The following SLC14A1 variants were observed in gnomAD, a reference collection of about 807,000 sequenced individuals.
SLC14A1 encodes urea transporter 1.
SLC14A1 carries 36 observed loss-of-function variants against 39.6 expected under a neutral mutation model. The ratio of observed to expected loss-of-function variants is 0.91; its 90% CI spans 0.70 to 1.20. The LOEUF is 1.20. Among genes scored for constraint, SLC14A1 ranks in the 50% most tolerant of loss-of-function variants. SLC14A1 has a pLI of 0.00. For synonymous variants in SLC14A1, 164 were observed against 173.6 expected (o/e 0.94, Z 0.43); for missense variants, 469 against 478.7 (o/e 0.98, Z 0.19).
Position 45,751,647 on chromosome 18 carries a change from G to A in SLC14A1, c.*1696G>A, listed in dbSNP as rs1201793129. On this transcript the variant is annotated 3_prime_UTR_variant, in exon 10 of 10. Coordinates refer to ENST00000321925, the MANE Select transcript of SLC14A1 (RefSeq NM_015865.7). ...AAAATAGTAACATTAGCCAGGTGTAGCAGCACACATCTGCAGCAGCTACTC... is the reference window on the plus strand; with the variant it reads ...AAAATAGTAACATTAGCCAGGTGTAACAGCACACATCTGCAGCAGCTACTC... The A allele has an allele frequency of 6.3e-6, 3 of 476,216 alleles. No individual in the cohort carries two copies. The highest frequency in any genetic ancestry group is 5.5e-6 in the Non-Finnish European group (2 of 365,312). 29.5% of individuals were successfully genotyped at this position (476,216 alleles called of 1,614,324 possible).
intron 4 of SLC14A1, among the ~76,000 whole-genome samples, chr18:45,732,578 G>T (rs956988063): frequency 1.3e-5 from 2 of 152,186 alleles, no homozygotes; most frequent in Non-Finnish European, 2.9e-5. Context: ...TGTTGCAATG[G>T]TGCCTCCTGG....
At position 45,742,353 on chromosome 18, in the gene SLC14A1, G is replaced by GTTTT. The variant is rs34628652; in HGVS notation, c.946+2707_946+2710dup. Among the ~76,000 whole-genome samples the GTTTT allele has an allele frequency of 6.8e-4, 80 of 118,008 alleles. 6 individuals are homozygous for GTTTT. Among genetic ancestry groups the GTTTT allele is most frequent in the South Asian group, 6.5e-3 (23 of 3,550 alleles). 77.4% of individuals were successfully genotyped at this position (118,008 alleles called of 152,430 possible). A position where few individuals can be genotyped will look rare whatever the true frequency, so the allele number is the denominator to read the frequency against. ...GTTTTTTGTTGTTTTTTGTTTTTTG[G>GTTTT]TTTTTTTTTTTTTTTTTTTGACAGA... On this transcript the variant is annotated intron_variant, in intron 8 of 9. Transcript: ENST00000321925.
intron 9 of SLC14A1, 49 bp downstream of exon 9, chr18:45,748,474 C>G (rs1428740503): frequency 6.3e-7 from 1 of 1,585,954 alleles, no homozygotes; most frequent in Admixed American, 1.7e-5. Flanking sequence ...GACCAGCTTA[C>G]AACTATATGG....
At position 45,736,602 on chromosome 18, in the gene SLC14A1, T is replaced by C. The variant is rs1372118241; in HGVS notation, c.617T>C (p.Ile206Thr). 45 of 1,614,084 alleles carry C rather than the reference T, an allele frequency of 2.8e-5. No individual in the cohort carries two copies. The highest frequency in any genetic ancestry group is 3.7e-5 in the Non-Finnish European group (44 of 1,180,024). ...TTTCCAGCCAAACTGGTCATACCTA[T>C]AACTACAGCTCCAAATATCTCCTGG... ...PFFPAKLVIP[I>T]TTAPNISWSD... Residue 206 changes from isoleucine (I) to threonine (T), a missense_variant, in exon 6 of 10, where the codon ATA (isoleucine) becomes ACA (threonine). Transcript: ENST00000321925.
At chr18:45,745,033 A>G (rs551305603) in intron 8 of SLC14A1, among the ~76,000 whole-genome samples, 1 of 152,334 alleles carries the variant, frequency 6.6e-6, no homozygotes, top group East Asian at 1.9e-4. Context: ...TCACAAGGTC[A>G]AGAGATTGAG....
intron 6 of SLC14A1, among the ~76,000 whole-genome samples, chr18:45,737,121 C>T (rs1330440437): frequency 6.6e-6 from 1 of 152,154 alleles, no homozygotes; most frequent in Non-Finnish European, 1.5e-5. Context: ...TTAGGGTTCC[C>T]AAGCTTTGGT....
Position 45,750,525 on chromosome 18 carries a change from G to T in SLC14A1, c.*574G>T. Reference sequence around the variant, plus strand: ...AACAATGGCCTGCACCCTATCCCTTGTGTGTGTGACATTCTCTCATGGGAC... The same window carrying T: ...AACAATGGCCTGCACCCTATCCCTTTTGTGTGTGACATTCTCTCATGGGAC... On this transcript the variant is annotated 3_prime_UTR_variant, in exon 10 of 10. Transcript: ENST00000321925. The T allele has an allele frequency of 3.0e-6, 3 of 994,794 alleles. No individual in the cohort carries two copies. The highest frequency in any genetic ancestry group is 3.6e-6 in the Non-Finnish European group (3 of 835,182). 61.6% of individuals were successfully genotyped at this position (994,794 alleles called of 1,614,324 possible). A position where few individuals can be genotyped will look rare whatever the true frequency, so the allele number is the denominator to read the frequency against.
intron 4 of SLC14A1, chr18:45,731,644 TCAGCTCAGC>T: frequency 4.2e-6 from 1 of 236,784 alleles, no homozygotes; most frequent in Non-Finnish European, 8.4e-6. Flanking sequence ...AGTGCAAAGG[TCAGCTCAGC>T]TCCTGGAGAA....
At chr18:45,744,839 A>G (rs1350719679) in intron 8 of SLC14A1, among the ~76,000 whole-genome samples, 2 of 152,020 alleles carry the variant, frequency 1.3e-5, no homozygotes, top group African/African-American at 4.8e-5. Context: ...AATATTTTCC[A>G]TCTATCTTTT....
intron 8 of SLC14A1, among the ~76,000 whole-genome samples, chr18:45,743,907 T>C (rs508597): frequency 7.2e-5 from 11 of 152,220 alleles, no homozygotes; most frequent in African/African-American, 2.7e-4. Flanking sequence ...ATTTTTATTT[T>C]GGATTTGTCG....
At chr18:45,734,143 T>C (rs147008420) in intron 4 of SLC14A1, 131 bp from the exon 5 acceptor site, 24,970 of 1,189,626 alleles carry the variant, frequency 0.021, 339 homozygotes, top group Middle Eastern at 0.036. Flanking sequence ...TACGTAGACT[T>C]TGAAATACAT....
intron 2 of SLC14A1, chr18:45,727,396 T>C (rs2046897361): frequency 1.3e-6 from 2 of 1,549,332 alleles, no homozygotes; most frequent in Non-Finnish European, 1.7e-6. Flanking sequence ...AGCTTGGCCC[T>C]GGCAGATGGG....
At chr18:45,730,533 G>C in intron 3 of SLC14A1, 62 bp downstream of exon 3, 1 of 1,557,160 alleles carries the variant, frequency 6.4e-7, no homozygotes, top group South Asian at 1.1e-5. Context: ...ATGGTTTCCT[G>C]GTACTTCTAC....
intron 3 of SLC14A1, 45 bp downstream of exon 3, chr18:45,730,516 G>C (rs1222976490): frequency 6.2e-7 from 1 of 1,602,720 alleles, no homozygotes; most frequent in Non-Finnish European, 8.5e-7. Flanking sequence ...AAGTAGCTTT[G>C]GGGGAAATGG....
chr18:45,738,382 G>A (rs930820907), intron 6 of SLC14A1, among the ~76,000 whole-genome samples: 6 of 152,210 alleles, frequency 3.9e-5, no homozygotes, highest in South Asian at 2.1e-4. Flanking sequence ...AAGTTCAGCT[G>A]TAAAGAATGA....
intron 7 of SLC14A1, 97 bp from the exon 8 acceptor site, chr18:45,739,431 C>G: frequency 1.2e-6 from 2 of 1,604,494 alleles, no homozygotes; most frequent in Non-Finnish European, 1.7e-6. Context: ...AATGGGAGTT[C>G]CCGGGATGCT....
intron 9 of SLC14A1, 122 bp from the exon 10 acceptor site, chr18:45,749,656 C>A: frequency 8.9e-7 from 1 of 1,123,966 alleles, no homozygotes; most frequent in Non-Finnish European, 1.3e-6. Context: ...TGCACAGAAT[C>A]CAGAGCAATG....
chr18:45,724,750 A>G (rs1446583756), intron 1 of SLC14A1, 200 bp from the exon 2 acceptor site: 2 of 152,222 alleles, frequency 1.3e-5, no homozygotes, highest in Admixed American at 6.5e-5. Flanking sequence ...GTGTGCTGTC[A>G]TGCTGAAGGG....
intron 5 of SLC14A1, among the ~76,000 whole-genome samples, chr18:45,735,107 G>T (rs1360290495): frequency 6.6e-6 from 1 of 152,162 alleles, no homozygotes; most frequent in African/African-American, 2.4e-5. Context: ...ACATACACTT[G>T]ACTCCTCCCT....
Sources: gnomAD v4.1 joint callset for allele counts (sites outside exome capture counted in the v4.1 genomes callset) on GRCh38, gnomAD v4.1.1 for gene constraint, MANE v1.5 for transcripts, NCBI Gene and HGNC (gene_info 2026-07-23, HGNC 2026-07-21) for gene names.